Variants in MPPED2 observed in about 807,000 individuals in gnomAD.
MPPED2 encodes metallophosphoesterase MPPED2.
In MPPED2, 5 loss-of-function variants were observed where a neutral mutation model predicts 33.0. The ratio of observed to expected loss-of-function variants is 0.15; its 90% CI spans 0.08 to 0.32. MPPED2 has a LOEUF of 0.32. MPPED2 is among the 10% of genes least tolerant of loss of function. MPPED2 has a pLI of 1.00. For missense variants in MPPED2, 275 were observed against 372.1 expected, an observed-to-expected ratio of 0.74 and a Z score of 2.15; for synonymous variants, 136 against 141.9, an observed-to-expected ratio of 0.96 and a Z score of 0.29.
exon 7 of MPPED2, chr11:30,387,286 A>G (rs1168533878): frequency 6.6e-6 from 1 of 152,480 alleles, no homozygotes; most frequent in Non-Finnish European, 1.5e-5. Flanking sequence ...CTGCAAGCAG[A>G]TGCTGTGTGC....
chr11:30,491,690 G>A (rs533536183), intron 4 of MPPED2, among the ~76,000 whole-genome samples: 1 of 152,260 alleles, frequency 6.6e-6, no homozygotes, highest in Non-Finnish European at 1.5e-5. Flanking sequence ...CTGAGCAAGT[G>A]GTAAAGATGG....
intron 3 of MPPED2, among the ~76,000 whole-genome samples, chr11:30,521,735 C>A (rs1049181199): frequency 7.9e-5 from 12 of 152,144 alleles, no homozygotes; most frequent in African/African-American, 2.9e-4. Flanking sequence ...ACAAATATAA[C>A]ATCAGTCGTT....
intron 3 of MPPED2, among the ~76,000 whole-genome samples, chr11:30,496,698 G>T (rs1419224955): frequency 4.4e-5 from 2 of 45,568 alleles, no homozygotes; most frequent in African/African-American, 1.1e-4. Flanking sequence ...GTGGGGAAGA[G>T]AATTTTGTGG....
intron 2 of MPPED2, among the ~76,000 whole-genome samples, chr11:30,572,716 A>ACATT (rs1279433429): frequency 6.6e-6 from 1 of 152,160 alleles, no homozygotes; most frequent in African/African-American, 2.4e-5. Flanking sequence ...AGAGTCCCAG[A>ACATT]CATTCATTCA....
intron 2 of MPPED2, among the ~76,000 whole-genome samples, chr11:30,555,301 G>T (rs1255161675): frequency 6.6e-6 from 1 of 152,114 alleles, no homozygotes; most frequent in African/African-American, 2.4e-5. Flanking sequence ...AGCAGTTTTA[G>T]AAACTTACTT....
At chr11:30,500,848 A>G (rs1952525064) in intron 3 of MPPED2, among the ~76,000 whole-genome samples, 1 of 152,196 alleles carries the variant, frequency 6.6e-6, no homozygotes. Context: ...GAAGGAACGA[A>G]TGAACCTCCA....
rs532030008 is a variant in MPPED2 at position 30,414,695 on chromosome 11, C to T, written c.653-354G>A. On this transcript the variant is annotated intron_variant, in intron 5 of 6. Transcript: ENST00000358117. ...CTTTCTCCCTCAATTCAGTTACTTT[C>T]GCTATTTTATTATATCTTTCTTATA... Among the ~76,000 whole-genome samples the T allele has an allele frequency of 5.3e-5, 8 of 152,198 alleles. No homozygotes were observed. In the South Asian group the frequency reaches 6.2e-4, roughly 12 times the overall value.
At chr11:30,494,669 C>G (rs149331729) in intron 4 of MPPED2, among the ~76,000 whole-genome samples, 3 of 125,224 alleles carry the variant, frequency 2.4e-5, no homozygotes, top group African/African-American at 9.2e-5. Context: ...ACCCAGGAGG[C>G]GGAGGTTGCA....
chr11:30,440,405 C>T (rs1590273027), intron 4 of MPPED2, among the ~76,000 whole-genome samples: 1 of 152,118 alleles, frequency 6.6e-6, no homozygotes, highest in African/African-American at 2.4e-5. Flanking sequence ...TGCTTCCACA[C>T]CGCAATGGCA....
At position 30,560,401 on chromosome 11, in the gene MPPED2, A is replaced by G. The variant is rs1347139261; in HGVS notation, c.128+19845T>C. On this transcript the variant is annotated intron_variant, in intron 2 of 6. Coordinates refer to ENST00000358117, the MANE Select transcript of MPPED2 (RefSeq NM_001584.3). ...ATATTTCCAACCAACACTGACTGGC[A>G]TTTACTCTTAGTAAGCAGAAGTTGT... Among the ~76,000 whole-genome samples, 3 of 152,150 alleles carry G rather than the reference A, an allele frequency of 2.0e-5. No individual in the cohort carries two copies. In the East Asian group the frequency reaches 5.8e-4, roughly 29 times the overall value.
intron 4 of MPPED2, among the ~76,000 whole-genome samples, chr11:30,457,982 G>C (rs536426081): frequency 6.6e-6 from 1 of 152,190 alleles, no homozygotes; most frequent in African/African-American, 2.4e-5. Context: ...GGCAGGGCTG[G>C]AATGTAAGAA....
At chr11:30,487,623 A>G (rs1360003898) in intron 4 of MPPED2, among the ~76,000 whole-genome samples, 1 of 151,924 alleles carries the variant, frequency 6.6e-6, no homozygotes, top group Non-Finnish European at 1.5e-5. Context: ...TGGGACTACA[A>G]GCACATACCA....
At chr11:30,427,808 AT>A (rs976884845) in intron 4 of MPPED2, among the ~76,000 whole-genome samples, 2 of 152,050 alleles carry the variant, frequency 1.3e-5, no homozygotes, top group African/African-American at 4.8e-5. Context: ...GGTGATGTGA[AT>A]TTTTTTCCCT....
intron 4 of MPPED2, among the ~76,000 whole-genome samples, chr11:30,479,630 T>C (rs1028466560): frequency 3.1e-5 from 4 of 130,846 alleles, no homozygotes; most frequent in African/African-American, 1.3e-4. Context: ...CCCAAAGACA[T>C]ACCTCTAAAG....
chr11:30,463,567 G>A (rs1430260731), intron 4 of MPPED2, among the ~76,000 whole-genome samples: 2 of 152,324 alleles, frequency 1.3e-5, no homozygotes, highest in African/African-American at 2.4e-5. Flanking sequence ...TTAGTTCTGC[G>A]AAGTGGCTGG....
At chr11:30,529,918 C>T (rs1342030573) in intron 3 of MPPED2, among the ~76,000 whole-genome samples, 6 of 152,174 alleles carry the variant, frequency 3.9e-5, no homozygotes, top group African/African-American at 1.4e-4. Context: ...CATTTTTGTT[C>T]TCCCTTTTAG....
chr11:30,491,657 T>C (rs1378059128), intron 4 of MPPED2, among the ~76,000 whole-genome samples: 1 of 152,194 alleles, frequency 6.6e-6, no homozygotes, highest in Non-Finnish European at 1.5e-5. Context: ...AGGCAGATGT[T>C]AAGAAACTCA....
exon 7 of MPPED2, chr11:30,388,779 C>G: frequency 7.6e-7 from 1 of 1,323,672 alleles, no homozygotes; most frequent in Non-Finnish European, 9.8e-7. Context: ...AGGCATCTTC[C>G]TTCCTTCCTG....
At chr11:30,563,777 G>C (rs769821726) in intron 2 of MPPED2, among the ~76,000 whole-genome samples, 37 of 152,208 alleles carry the variant, frequency 2.4e-4, no homozygotes, top group Non-Finnish European at 5.0e-4. Flanking sequence ...CTGAATCATG[G>C]ACAAGGCAGA....
Sources: allele counts gnomAD v4.1 joint callset (sites outside exome capture counted in the v4.1 genomes callset), GRCh38; gene constraint gnomAD v4.1.1; transcripts MANE v1.5; gene names NCBI Gene and HGNC (gene_info 2026-07-23, HGNC 2026-07-21).